EMID1: variants seen among roughly 807,000 people sequenced by gnomAD.
EMID1 encodes the protein EMI domain containing 1, also known as EMI domain-containing protein 1.
EMID1 carries 40 observed loss-of-function variants against 60.6 expected under a neutral mutation model. The ratio of observed to expected loss-of-function variants is 0.66; its 90% confidence interval spans 0.51 to 0.86. The LOEUF (loss-of-function observed/expected upper bound fraction) is 0.86, where lower values mean the gene tolerates loss of function less well. EMID1 is among the 40% of genes least tolerant of loss of function. The pLI is 0.00. For missense variants in EMID1, 585 were observed against 597.1 expected (o/e 0.98, Z 0.21); for synonymous variants, 242 against 231.0 (o/e 1.05, Z -0.43).
At chr22:29,216,104 C>G (rs188558334) in intron 3 of EMID1, among the ~76,000 whole-genome samples, 1 of 152,116 alleles carries the variant, frequency 6.6e-6, no homozygotes, top group Admixed American at 6.5e-5. Context: ...CACTCCCCGC[C>G]CCCCCACCCC....
chr22:29,236,941 C>T (rs1173541744), intron 12 of EMID1, among the ~76,000 whole-genome samples: 5 of 151,436 alleles, frequency 3.3e-5, no homozygotes, highest in African/African-American at 4.8e-5. Flanking sequence ...GGACTACAGG[C>T]GCCCACCACC....
chr22:29,253,577 C>T (rs561269828), intron 13 of EMID1, among the ~76,000 whole-genome samples: 2 of 152,068 alleles, frequency 1.3e-5, no homozygotes, highest in East Asian at 1.9e-4. Flanking sequence ...AGCAAAACTT[C>T]GTCTCAAAAA....
In EMID1 at chr22:29,206,056, T is replaced by A; in HGVS notation, c.18T>A (p.Ala6=). The part of the protein sequence containing the change: MGGPR[A]WALLCLGLLL... ...GGTGCAGCATGGGCGGCCCGCGGGC[T>A]TGGGCGCTGCTCTGCCTCGGGCTCC... Residue 6 remains alanine (A), a synonymous_variant, in exon 1 of 15, where the codon GCT becomes GCA. Transcript: ENST00000334018. The A allele has an allele frequency of 8.1e-7, 1 of 1,228,948 alleles. No individual in the cohort carries two copies. Among genetic ancestry groups the A allele is most frequent in the South Asian group, 4.1e-5 (1 of 24,290 alleles). 76.1% of individuals were successfully genotyped at this position (1,228,948 alleles called of 1,614,324 possible). A position where few individuals can be genotyped will look rare whatever the true frequency, so the allele number is the denominator to read the frequency against.
intron 2 of EMID1, 199 bp downstream of exon 2, chr22:29,215,238 G>C: frequency 4.1e-6 from 4 of 985,424 alleles, no homozygotes; most frequent in Non-Finnish European, 4.8e-6. Context: ...CTGAGGGATG[G>C]ATACACCATT....
chr22:29,226,897 A>G (rs1184714218), intron 5 of EMID1, among the ~76,000 whole-genome samples: 1 of 152,006 alleles, frequency 6.6e-6, no homozygotes, highest in Non-Finnish European at 1.5e-5. Context: ...GCTCCCTCCC[A>G]TGGGGCTCCA....
chr22:29,257,210 G>T lies in EMID1; in HGVS notation c.1205-1607G>T, dbSNP rs188952910. Among the ~76,000 whole-genome samples, 6 of 152,274 alleles carry T rather than the reference G, an allele frequency of 3.9e-5. No individual in the cohort carries two copies. In the East Asian group the frequency reaches 9.7e-4, roughly 25 times the overall value. On this transcript the variant is annotated intron_variant, in intron 14 of 14. Coordinates refer to ENST00000334018, the MANE Select transcript of EMID1 (RefSeq NM_133455.4). ...TCGGGGCTTGGAGGGACAGGTCGGG[G>T]GACTGGGAAATGGGACAGGGAAGGA...
chr22:29,251,500 C>T (rs1006275290), intron 13 of EMID1, among the ~76,000 whole-genome samples: 4 of 151,284 alleles, frequency 2.6e-5, no homozygotes, highest in Admixed American at 2.0e-4. Context: ...CCATGCCAGC[C>T]CCCCCGGCGT....
chr22:29,248,184 C>T (rs1303970710), intron 13 of EMID1, among the ~76,000 whole-genome samples: 2 of 151,520 alleles, frequency 1.3e-5, no homozygotes, highest in African/African-American at 4.9e-5. Flanking sequence ...GTCTCAAACT[C>T]CTGACTTCAA....
intron 13 of EMID1, among the ~76,000 whole-genome samples, chr22:29,247,994 T>A (rs1422486270): frequency 6.8e-6 from 1 of 147,232 alleles, no homozygotes; most frequent in Non-Finnish European, 1.5e-5. Flanking sequence ...TCAAGAAAAG[T>A]ACAGTGGAGT....
At chr22:29,217,567 G>A (rs2146171101) in intron 3 of EMID1, among the ~76,000 whole-genome samples, 1 of 152,360 alleles carries the variant, frequency 6.6e-6, no homozygotes, top group African/African-American at 2.4e-5. Context: ...TCACTAAAAG[G>A]CACCAAGCTG....
intron 4 of EMID1, among the ~76,000 whole-genome samples, chr22:29,225,781 C>T (rs548618190): frequency 1.3e-5 from 2 of 152,346 alleles, no homozygotes; most frequent in East Asian, 1.9e-4. Context: ...GTGACACTCC[C>T]GTGAGGAGGG....
intron 12 of EMID1, among the ~76,000 whole-genome samples, chr22:29,234,938 C>T (rs1276496000): frequency 6.6e-6 from 1 of 151,852 alleles, no homozygotes; most frequent in Non-Finnish European, 1.5e-5. Context: ...GTAATCCCAG[C>T]ACTGTGGGAG....
chr22:29,256,169 G>A (rs16987328), intron 14 of EMID1, among the ~76,000 whole-genome samples: 15,661 of 151,986 alleles, frequency 0.1, 1,211 homozygotes, highest in South Asian at 0.28. Flanking sequence ...GTCCAACCTC[G>A]CATCTATTTT....
intron 13 of EMID1, 42 bp downstream of exon 13, chr22:29,243,531 C>A: frequency 1.2e-6 from 2 of 1,611,942 alleles, no homozygotes; most frequent in Non-Finnish European, 8.5e-7. Context: ...GCCTTCTCAG[C>A]CCTACATGCT....
At chr22:29,217,007 G>C (rs530496484) in intron 3 of EMID1, among the ~76,000 whole-genome samples, 1 of 152,334 alleles carries the variant, frequency 6.6e-6, no homozygotes, top group East Asian at 1.9e-4. Flanking sequence ...GGGAAGGCAG[G>C]TGGGGCCGAG....
intron 1 of EMID1, among the ~76,000 whole-genome samples, chr22:29,211,135 G>A (rs1601893997): frequency 1.3e-5 from 2 of 152,218 alleles, no homozygotes; most frequent in Middle Eastern, 3.4e-3. Flanking sequence ...AAGTGTGAAC[G>A]CATTTGCAGG....
chr22:29,223,547 C>T (rs915618689), intron 3 of EMID1, among the ~76,000 whole-genome samples: 2 of 152,242 alleles, frequency 1.3e-5, no homozygotes, highest in East Asian at 1.9e-4. Flanking sequence ...AGGTGCCCCC[C>T]ACCTCCACCA....
At chr22:29,226,349 C>T (rs770668629) in intron 4 of EMID1, 141 bp from the exon 5 acceptor site, 38 of 886,280 alleles carry the variant, frequency 4.3e-5, no homozygotes, top group Non-Finnish European at 5.6e-5. Context: ...TCCTATAGCC[C>T]TTCCCAAGCC....
At chr22:29,258,601 C>G (rs1022459836) in intron 14 of EMID1, among the ~76,000 whole-genome samples, 1 of 152,220 alleles carries the variant, frequency 6.6e-6, no homozygotes, top group African/African-American at 2.4e-5. Context: ...AGCAGAGGCC[C>G]TGAGTGCTCT....
Sources: gnomAD v4.1 joint callset for allele counts (sites outside exome capture counted in the v4.1 genomes callset) on GRCh38, gnomAD v4.1.1 for gene constraint, MANE v1.5 for transcripts, NCBI Gene and HGNC (gene_info 2026-07-23, HGNC 2026-07-21) for gene names.